The following LNP1 variants were observed in gnomAD, a reference collection of about 807,000 sequenced individuals.
LNP1 encodes leukemia NUP98 fusion partner 1.
A neutral mutation model predicts 14.5 loss-of-function variants in LNP1; 12 were observed. The observed-to-expected ratio is 0.83, with a 90% confidence interval of 0.53 to 1.34. The LOEUF is 1.34. LNP1 is among the 40% of genes most tolerant of loss of function. The probability of loss-of-function intolerance (pLI) is 0.00; values close to 1 mark genes in which losing one functional copy is unlikely to be tolerated. For missense variants in LNP1, 198 were observed against 210.9 expected, an observed-to-expected ratio of 0.94 and a Z score of 0.38; for synonymous variants, 75 against 71.4, an observed-to-expected ratio of 1.05 and a Z score of -0.26.
intron 2 of LNP1, among the ~76,000 whole-genome samples, chr3:100,448,707 G>C (rs1707409988): frequency 6.6e-6 from 1 of 152,006 alleles, no homozygotes; most frequent in South Asian, 2.1e-4. Context: ...CTTTTTTCCT[G>C]ATAAAGTATT....
intron 1 of LNP1, among the ~76,000 whole-genome samples, chr3:100,410,671 T>C (rs754977543): frequency 9.9e-5 from 15 of 152,012 alleles, no homozygotes; most frequent in Non-Finnish European, 1.5e-4. Context: ...AGAATAGAGA[T>C]GGGATTTTAC....
At chr3:100,423,810 G>A (rs1268007455) in intron 1 of LNP1, among the ~76,000 whole-genome samples, 1 of 152,112 alleles carries the variant, frequency 6.6e-6, no homozygotes, top group Non-Finnish European at 1.5e-5. Context: ...GGCTCAAAAA[G>A]GTGCAGGGTA....
In LNP1 at chr3:100,432,285, CT is replaced by C. The variant is rs75741327; in HGVS notation, c.156+2407del. Among the ~76,000 whole-genome samples the C allele has an allele frequency of 0.017, 2,585 of 151,704 alleles. 273 individuals carry two copies. The East Asian group carries it at 0.31, about 18-fold the overall frequency. Reference sequence around the variant, plus strand: ...CCCTTGCCTACTTTGAATGTGGTTTCTTTTTTTCCCCACTTCTCCTTGAATG... The same window carrying C: ...CCCTTGCCTACTTTGAATGTGGTTTCTTTTTTCCCCACTTCTCCTTGAATG... On this transcript the variant is annotated intron_variant, in intron 2 of 3. Transcript: ENST00000383693.
chr3:100,442,249 C>A (rs1300379548), intron 2 of LNP1, among the ~76,000 whole-genome samples: 1 of 152,168 alleles, frequency 6.6e-6, no homozygotes, highest in African/African-American at 2.4e-5. Flanking sequence ...CCAATTGATT[C>A]TGCTGCCTCA....
At chr3:100,449,730 A>G (rs185208779) in intron 2 of LNP1, among the ~76,000 whole-genome samples, 23 of 152,302 alleles carry the variant, frequency 1.5e-4, no homozygotes, top group East Asian at 7.7e-4. Context: ...ATACACACAC[A>G]TCTTGAATGT....
At chr3:100,418,972 G>T (rs538451240) in intron 1 of LNP1, among the ~76,000 whole-genome samples, 4 of 152,244 alleles carry the variant, frequency 2.6e-5, no homozygotes, top group African/African-American at 9.6e-5. Context: ...CTGTTCTCAG[G>T]TCTAGAGGAT....
intron 3 of LNP1, among the ~76,000 whole-genome samples, chr3:100,454,368 C>T (rs949775066): frequency 2.0e-5 from 3 of 151,884 alleles, no homozygotes; most frequent in African/African-American, 7.3e-5. Flanking sequence ...TACAGATACA[C>T]TTCAACTTTT....
intron 2 of LNP1, among the ~76,000 whole-genome samples, chr3:100,450,230 A>C (rs1460456793): frequency 6.6e-6 from 1 of 152,022 alleles, no homozygotes; most frequent in Non-Finnish European, 1.5e-5. Flanking sequence ...AATAACAAAA[A>C]CAGAAACAAA....
chr3:100,438,172 A>G (rs57755171), intron 2 of LNP1, among the ~76,000 whole-genome samples: 5,270 of 152,250 alleles, frequency 0.035, 311 homozygotes, highest in African/African-American at 0.12. Flanking sequence ...GAGGGATACA[A>G]TTGAAGGGTG....
At chr3:100,449,672 C>T (rs1205001466) in intron 2 of LNP1, among the ~76,000 whole-genome samples, 1 of 151,974 alleles carries the variant, frequency 6.6e-6, no homozygotes, top group Non-Finnish European at 1.5e-5. Context: ...AAAAAAACAA[C>T]CAAAAACATA....
intron 1 of LNP1, among the ~76,000 whole-genome samples, chr3:100,428,158 G>C (rs1707211729): frequency 1.3e-5 from 2 of 152,156 alleles, no homozygotes; most frequent in African/African-American, 2.4e-5. Context: ...ACTTTGGCAA[G>C]GGGTGATCTA....
chr3:100,405,750 A>G (rs1394496050), intron 1 of LNP1, among the ~76,000 whole-genome samples: 2 of 151,930 alleles, frequency 1.3e-5, no homozygotes, highest in Admixed American at 6.6e-5. Flanking sequence ...CCTAAATCCT[A>G]TATTTGCTTG....
At chr3:100,454,955 AT>A (rs1707496304) in intron 3 of LNP1, among the ~76,000 whole-genome samples, 1 of 152,082 alleles carries the variant, frequency 6.6e-6, no homozygotes, top group African/African-American at 2.4e-5. Flanking sequence ...TTGCTTGTTT[AT>A]TTTTTAAAAC....
At chr3:100,406,288 GA>G (rs901776592) in intron 1 of LNP1, among the ~76,000 whole-genome samples, 8 of 145,896 alleles carry the variant, frequency 5.5e-5, no homozygotes, top group Admixed American at 4.1e-4. Context: ...GCCGCCTCAA[GA>G]AAAAAAAAAC....
intron 1 of LNP1, among the ~76,000 whole-genome samples, chr3:100,408,633 G>T (rs1302433117): frequency 6.6e-6 from 1 of 152,196 alleles, no homozygotes; most frequent in Non-Finnish European, 1.5e-5. Flanking sequence ...CTGCTGCCGG[G>T]ATGGGTCTAG....
chr3:100,454,206 G>A (rs370470675), intron 3 of LNP1, among the ~76,000 whole-genome samples: 2 of 152,196 alleles, frequency 1.3e-5, no homozygotes, highest in South Asian at 4.1e-4. Flanking sequence ...ACAGTTATAT[G>A]TAATAACTAG....
intron 1 of LNP1, among the ~76,000 whole-genome samples, chr3:100,411,785 C>T (rs1707034118): frequency 6.6e-6 from 1 of 152,172 alleles, no homozygotes; most frequent in African/African-American, 2.4e-5. Context: ...GCCCCACCCT[C>T]ATAATCTCAT....
intron 2 of LNP1, among the ~76,000 whole-genome samples, chr3:100,449,121 A>C (rs1426722536): frequency 1.3e-5 from 2 of 152,234 alleles, no homozygotes; most frequent in Non-Finnish European, 2.9e-5. Flanking sequence ...TTTTATTTAC[A>C]TAGGGACTAC....
In LNP1 at chr3:100,431,132, G is replaced by A. The variant is rs867044212; in HGVS notation, c.156+1247G>A. Among the ~76,000 whole-genome samples the A allele has an allele frequency of 2.4e-4, 37 of 152,270 alleles. No homozygotes were observed. The Middle Eastern group carries it at 0.01, about 42-fold the overall frequency. The stretch of plus-strand genomic sequence containing the variant: ...TCCAGTTTCCAGATGTGAGAACAGG[G>A]ATAAACAAAAACAAAAACTGTAATT... On this transcript the variant is annotated intron_variant, in intron 2 of 3. Coordinates refer to ENST00000383693, the MANE Select transcript of LNP1 (RefSeq NM_001085451.2).
Sources: gnomAD v4.1 joint callset for allele counts (sites outside exome capture counted in the v4.1 genomes callset) on GRCh38, gnomAD v4.1.1 for gene constraint, MANE v1.5 for transcripts, NCBI Gene and HGNC (gene_info 2026-07-23, HGNC 2026-07-21) for gene names.